The following NRXN3 variants were observed in gnomAD, a reference collection of about 807,000 sequenced individuals.
NRXN3 encodes neurexin 3.
In NRXN3, 32 loss-of-function variants were observed where a neutral mutation model predicts 137.6. The ratio of observed to expected loss-of-function variants is 0.23; its 90% CI spans 0.18 to 0.31. The LOEUF is 0.31. Ranked by LOEUF, NRXN3 falls within the 10% of genes least tolerant of loss-of-function variation. The probability of loss-of-function intolerance (pLI) is 1.00; values close to 1 mark genes in which losing one functional copy is unlikely to be tolerated. For synonymous variants in NRXN3, 798 were observed against 784.5 expected (o/e 1.02, Z -0.29); for missense variants, 1,574 against 2,062.5 (o/e 0.76, Z 4.59).
In NRXN3 at chr14:79,480,386, T is replaced by C. The variant is rs151124758; in HGVS notation, c.3444+12984T>C. Among the ~76,000 whole-genome samples the C allele has an allele frequency of 7.9e-5, 12 of 152,278 alleles. No homozygotes were observed. In the East Asian group the frequency reaches 1.9e-3, roughly 25 times the overall value. On this transcript the variant is annotated intron_variant, in intron 16 of 20. Coordinates refer to ENST00000335750, the MANE Select transcript of NRXN3 (RefSeq NM_001330195.2). ...GAGCGTGAAAGAGGAAAATGAGTTT[T>C]GGTGTGACGTGTGAATGACGTGGTT...
At chr14:79,003,427 A>G (rs1248505115) in intron 15 of NRXN3, among the ~76,000 whole-genome samples, 8 of 152,212 alleles carry the variant, frequency 5.3e-5, no homozygotes, top group Non-Finnish European at 1.2e-4. Context: ...AGTCTTTACA[A>G]TGAAATATTT....
At chr14:78,202,824 A>G (rs2061803655) in intron 1 of NRXN3, among the ~76,000 whole-genome samples, 1 of 152,200 alleles carries the variant, frequency 6.6e-6, no homozygotes, top group African/African-American at 2.4e-5. Flanking sequence ...TTTGTGATGT[A>G]TATTATTTTA....
At chr14:79,744,071 C>T (rs1421639125) in intron 19 of NRXN3, among the ~76,000 whole-genome samples, 1 of 152,142 alleles carries the variant, frequency 6.6e-6, no homozygotes, top group Non-Finnish European at 1.5e-5. Flanking sequence ...TTATGCTAAT[C>T]CTAATGCATA....
intron 1 of NRXN3, among the ~76,000 whole-genome samples, chr14:78,197,918 G>A (rs542608903): frequency 6.6e-6 from 1 of 152,254 alleles, no homozygotes; most frequent in South Asian, 2.1e-4. Flanking sequence ...ATTGAGTCCT[G>A]CCTGTATATA....
At chr14:78,253,712 T>C (rs1483852050) in intron 2 of NRXN3, among the ~76,000 whole-genome samples, 2 of 151,844 alleles carry the variant, frequency 1.3e-5, no homozygotes, top group Non-Finnish European at 2.9e-5. Context: ...GGATAATAAG[T>C]TTAAAGGGGA....
chr14:78,661,154 T>G (rs999357593), intron 6 of NRXN3, among the ~76,000 whole-genome samples: 5 of 152,184 alleles, frequency 3.3e-5, no homozygotes, highest in African/African-American at 1.2e-4. Context: ...CTGGATAACA[T>G]TTTGGAGTGC....
intron 20 of NRXN3, among the ~76,000 whole-genome samples, chr14:79,840,875 C>CTATGTCAACCATTTGATCATAGGTTGAG (rs2099354439): frequency 6.6e-6 from 1 of 152,130 alleles, no homozygotes; most frequent in Admixed American, 6.5e-5. Context: ...TAGAAAAACA[C>CTATGTCAACCATTTGATCATAGGTTGAG]TATGTCAACC....
At chr14:79,132,262 T>C (rs112261255) in intron 15 of NRXN3, among the ~76,000 whole-genome samples, 10 of 152,256 alleles carry the variant, frequency 6.6e-5, no homozygotes, top group African/African-American at 1.9e-4. Flanking sequence ...CATAAGTATG[T>C]GTGAAACTAC....
intron 19 of NRXN3, among the ~76,000 whole-genome samples, chr14:79,745,409 T>C (rs1189787869): frequency 2.0e-5 from 3 of 152,148 alleles, no homozygotes; most frequent in Non-Finnish European, 2.9e-5. Context: ...CAACACCTCA[T>C]TAATCAGGAT....
intron 2 of NRXN3, among the ~76,000 whole-genome samples, chr14:78,273,248 G>C (rs1398856148): frequency 6.6e-6 from 1 of 152,216 alleles, no homozygotes. Context: ...TCCACAGGCT[G>C]TGTGACTTTT....
chr14:79,220,923 G>A (rs1255063574), intron 15 of NRXN3, among the ~76,000 whole-genome samples: 1 of 151,450 alleles, frequency 6.6e-6, no homozygotes, highest in Admixed American at 6.6e-5. Context: ...TCCCCAACAG[G>A]CCCCGGTGTG....
intron 1 of NRXN3, among the ~76,000 whole-genome samples, chr14:78,174,429 C>T (rs2059065554): frequency 1.3e-5 from 2 of 152,052 alleles, no homozygotes; most frequent in South Asian, 4.2e-4. Context: ...GGAACAATGT[C>T]TTTGTCCGAC....
intron 4 of NRXN3, among the ~76,000 whole-genome samples, chr14:78,441,432 C>T (rs955179455): frequency 6.6e-6 from 1 of 152,170 alleles, no homozygotes; most frequent in African/African-American, 2.4e-5. Context: ...TCACTCCCTC[C>T]AGGAAGCCCT....
chr14:78,650,901 G>A (rs375282375), intron 5 of NRXN3, among the ~76,000 whole-genome samples: 1 of 152,128 alleles, frequency 6.6e-6, no homozygotes, highest in East Asian at 1.9e-4. Context: ...TGTAAAGATT[G>A]CAATGGGTAG....
chr14:79,499,956 C>CTTGT (rs60538373), intron 16 of NRXN3, among the ~76,000 whole-genome samples: 9 of 145,234 alleles, frequency 6.2e-5, no homozygotes, highest in African/African-American at 2.3e-4. Flanking sequence ...ATCTTAGGGT[C>CTTGT]GTGTGTGTGT....
At chr14:78,519,409 A>G (rs192962802) in intron 4 of NRXN3, among the ~76,000 whole-genome samples, 2 of 152,286 alleles carry the variant, frequency 1.3e-5, no homozygotes, top group South Asian at 2.1e-4. Flanking sequence ...ATTCCATTCC[A>G]TGGATACTTA....
chr14:79,511,211 T>A (rs778116150), intron 16 of NRXN3, among the ~76,000 whole-genome samples: 117 of 152,174 alleles, frequency 7.7e-4, no homozygotes, highest in Non-Finnish European at 1.3e-3. Flanking sequence ...GTGGAAAAAG[T>A]GTGCAGAGAT....
intron 15 of NRXN3, among the ~76,000 whole-genome samples, chr14:79,342,399 C>T (rs2092655311): frequency 6.6e-6 from 1 of 152,148 alleles, no homozygotes; most frequent in Non-Finnish European, 1.5e-5. Flanking sequence ...CATTATTTTA[C>T]TTTATGACAA....
intron 17 of NRXN3, among the ~76,000 whole-genome samples, chr14:79,669,480 T>A (rs1224547195): frequency 6.6e-6 from 1 of 152,140 alleles, no homozygotes; most frequent in East Asian, 1.9e-4. Flanking sequence ...AGAAATGAAT[T>A]AGGATTCACA....
Sources: allele counts gnomAD v4.1 joint callset (sites outside exome capture counted in the v4.1 genomes callset), GRCh38; gene constraint gnomAD v4.1.1; transcripts MANE v1.5; gene names NCBI Gene and HGNC (gene_info 2026-07-23, HGNC 2026-07-21).